The following SLC2A8 variants were observed in gnomAD, a reference collection of about 807,000 sequenced individuals.
SLC2A8 encodes solute carrier family 2 member 8.
A neutral mutation model predicts 49.2 loss-of-function variants in SLC2A8; 53 were observed. That is an observed-to-expected ratio of 1.08 (90% CI 0.86 to 1.35). SLC2A8 has a LOEUF of 1.35. Ranked by LOEUF, SLC2A8 falls within the 40% of genes most tolerant of loss-of-function variation. SLC2A8 has a pLI of 0.00. For synonymous variants in SLC2A8, 299 were observed against 297.0 expected, an observed-to-expected ratio of 1.01 and a Z score of -0.07; for missense variants, 688 against 671.7, an observed-to-expected ratio of 1.02 and a Z score of -0.27.
rs1833168851 is a variant in SLC2A8, at chr9:127,399,151, G to T, written c.427-756G>T. 2.6e-5 allele frequency among the ~76,000 whole-genome samples: 4 copies of T among 152,216 alleles called. No homozygotes were observed. The highest frequency in any genetic ancestry group is 2.6e-4 in the Admixed American group (4 of 15,286). On this transcript the variant is annotated intron_variant, in intron 3 of 9. Transcript: ENST00000373371. This position sits in a 1 kb window ranked among gnomAD's most constrained non-coding sequence, Gnocchi z 4.2. ...AGCCACTGGTAGTGACCGAGGCAGA[G>T]AGTTCGTGCTTCTAGTCCAAGGCCA...
rs62637572 is a variant in SLC2A8, at chr9:127,402,608, C to T, written c.578C>T (p.Ser193Phe). The stretch of plus-strand genomic sequence containing the variant: ...GCTGTGCTGGGCTGCGTGCCCCCCT[C>T]CCTCATGCTGCTTCTCATGTGCTTC... Reference protein sequence around the residue: ...WLAVLGCVPPSLMLLLMCFMP... With the variant: ...WLAVLGCVPPFLMLLLMCFMP... The change falls in exon 5 of 10, where the codon TCC (serine) becomes TTC (phenylalanine). Residue 193 changes from serine (S) to phenylalanine (F), a missense_variant. Transcript: ENST00000373371. The T allele has an allele frequency of 9.9e-4, 1,581 of 1,595,962 alleles. 23 individuals carry two copies. Among genetic ancestry groups the T allele is most frequent in the Middle Eastern group, 5.4e-3 (26 of 4,810 alleles).
At chr9:127,406,106 G>T in intron 9 of SLC2A8, 1 of 515,634 alleles carries the variant, frequency 1.9e-6, no homozygotes, top group Non-Finnish European at 3.9e-6. Flanking sequence ...CAGAGAGACA[G>T]TTCTGGGGTA....
chr9:127,404,477 C>T (rs1833413488), intron 7 of SLC2A8: 4 of 360,596 alleles, frequency 1.1e-5, no homozygotes, highest in East Asian at 5.3e-5. Context: ...AGGTGATCCA[C>T]GTGAGGCCTT....
rs1427750608 is a variant in SLC2A8, at chr9:127,407,165, C to T, written c.1350C>T (p.Phe450=). 6.2e-7 allele frequency: 1 copy of T among 1,613,604 alleles called. No homozygotes were observed. Among genetic ancestry groups the T allele is most frequent in the Non-Finnish European group, 8.5e-7 (1 of 1,180,026 alleles). The part of the protein sequence containing the change: ...AFWLASAFCI[F]SVLFTLFCVP... The stretch of plus-strand genomic sequence containing the variant: ...GGCTTGCCTCCGCTTTCTGCATCTT[C>T]AGTGTCCTTTTCACTTTGTTCTGTG... Residue 450 remains phenylalanine (F), a synonymous_variant, in exon 10 of 10, where the codon TTC becomes TTT. Coordinates refer to ENST00000373371, the MANE Select transcript of SLC2A8 (RefSeq NM_014580.5).
At chr9:127,397,599 A>G in intron 2 of SLC2A8, 61 bp downstream of exon 2, 1 of 1,362,742 alleles carries the variant, frequency 7.3e-7, no homozygotes, top group African/African-American at 1.5e-5. Context: ...CGGGACGGGC[A>G]TCGGGACCCT....
At chr9:127,406,999 G>A in intron 9 of SLC2A8, 113 bp from the exon 10 acceptor site, 3 of 1,213,426 alleles carry the variant, frequency 2.5e-6, no homozygotes, top group South Asian at 1.4e-5. Flanking sequence ...GCCTTGGGCA[G>A]GGCAGGCTGG....
Position 127,402,694 on chromosome 9 carries a change from C to T in SLC2A8, c.664C>T (p.Leu222=). The T allele has an allele frequency of 6.4e-7, 1 of 1,566,026 alleles. No homozygotes were observed. Among genetic ancestry groups the T allele is most frequent in the South Asian group, 1.2e-5 (1 of 85,350 alleles). ...CAGGCGCCAGGAGGCCATGGCCGCC[C>T]TGCGGTTCCTGTGGGGCTCCGAGCA... The part of the protein sequence containing the change: ...QHRRQEAMAA[L]RFLWGSEQGW... Residue 222 remains leucine (L), a synonymous_variant, in exon 5 of 10, where the codon CTG becomes TTG. Coordinates refer to ENST00000373371, the MANE Select transcript of SLC2A8 (RefSeq NM_014580.5).
At chr9:127,398,377 G>C in intron 3 of SLC2A8, 1 of 761,098 alleles carries the variant, frequency 1.3e-6, no homozygotes, top group Non-Finnish European at 2.5e-6. Context: ...TAGTCAGAGG[G>C]GAAGCAGTTG....
At chr9:127,406,139 T>C (rs146740098) in intron 9 of SLC2A8, 235 of 502,238 alleles carry the variant, frequency 4.7e-4, no homozygotes, top group African/African-American at 3.7e-3. Context: ...GTTTGTTCAG[T>C]CATTTGTGCC....
rs1564216950 is a variant in SLC2A8 at position 127,402,711 on chromosome 9, CT to C, written c.682del (p.Ser228ProfsTer36). Reference protein sequence around the residue: ...AMAALRFLWGSEQGWEDPPIG... With the variant: ...AMAALRFLWGXEQGWEDPPIG... Reference sequence around the variant, plus strand: ...TGGCCGCCCTGCGGTTCCTGTGGGGCTCCGAGCAGGGCTGGGAAGACCCCCC... The same window carrying C: ...TGGCCGCCCTGCGGTTCCTGTGGGGCCCGAGCAGGGCTGGGAAGACCCCCC... On this transcript the variant is annotated frameshift_variant, in exon 5 of 10. Coordinates refer to ENST00000373371, the MANE Select transcript of SLC2A8 (RefSeq NM_014580.5). LOFTEE classifies it high-confidence loss of function. The C allele has an allele frequency of 6.4e-7, 1 of 1,560,566 alleles. No homozygotes were observed. Among genetic ancestry groups the C allele is most frequent in the South Asian group, 1.2e-5 (1 of 84,880 alleles).
chr9:127,403,549 C>A, intron 5 of SLC2A8, 111 bp from the exon 6 acceptor site: 1 of 1,306,632 alleles, frequency 7.7e-7, no homozygotes, highest in Non-Finnish European at 1.1e-6. Flanking sequence ...GGATGAGGAG[C>A]CAAGACGTGG....
At chr9:127,402,857 G>A in intron 5 of SLC2A8, 104 bp downstream of exon 5, 3 of 1,340,800 alleles carry the variant, frequency 2.2e-6, no homozygotes, top group South Asian at 3.1e-5. Flanking sequence ...GGGACAGGGA[G>A]GTGCCTATCC....
intron 4 of SLC2A8, chr9:127,402,306 T>G: frequency 2.2e-6 from 1 of 459,376 alleles, no homozygotes; most frequent in Non-Finnish European, 3.8e-6. Flanking sequence ...TACATAAATG[T>G]TTCGTTGAAC....
rs1210378451 is a variant in SLC2A8 at position 127,398,123 on chromosome 9, G to A, written c.426+12G>A. 6.4e-7 allele frequency: 1 copy of A among 1,568,440 alleles called. No individual in the cohort carries two copies. Among genetic ancestry groups the A allele is most frequent in the Non-Finnish European group, 8.6e-7 (1 of 1,159,868 alleles). ...CCCTAGTGGCCCCGGTGAGTGTCCC[G>A]TCTCTCGAGTGTCCTGTCTCGCGGC... On this transcript the variant is annotated intron_variant, in intron 3 of 9. Coordinates refer to ENST00000373371, the MANE Select transcript of SLC2A8 (RefSeq NM_014580.5).
intron 2 of SLC2A8, 110 bp downstream of exon 2, chr9:127,397,648 C>T: frequency 7.6e-7 from 1 of 1,317,134 alleles, no homozygotes; most frequent in East Asian, 3.0e-5. Context: ...GCATCGGGCC[C>T]CGCCGCCACC....
intron 6 of SLC2A8, 36 bp from the exon 7 acceptor site, chr9:127,403,923 G>A (rs1173884442): frequency 6.2e-7 from 1 of 1,605,086 alleles, no homozygotes; most frequent in South Asian, 1.1e-5. Context: ...GCTCTCAGCT[G>A]GCCCACCTGA....
rs192215268 is a variant in SLC2A8 at position 127,403,759 on chromosome 9, G to T, written c.823G>T (p.Val275Phe). 7 of 1,613,200 alleles carry T rather than the reference G, an allele frequency of 4.3e-6. No homozygotes were observed. The African/African-American group carries it at 8.0e-5, about 18-fold the overall frequency. ...CCAGCAGCTGTCGGGGGTCAACGCC[G>T]TCATGTTCTATGCAGAGACCATCTT... ...AFQQLSGVNA[V>F]MFYAETIFEE... The change falls in exon 6 of 10, where the codon GTC (valine) becomes TTC (phenylalanine). Residue 275 changes from valine (V) to phenylalanine (F), a missense_variant. By Grantham distance (50) the Val-to-Phe change is conservative. Coordinates refer to ENST00000373371, the MANE Select transcript of SLC2A8 (RefSeq NM_014580.5).
intron 9 of SLC2A8, among the ~76,000 whole-genome samples, chr9:127,406,252 G>A (rs886092446): frequency 6.6e-6 from 1 of 152,234 alleles, no homozygotes; most frequent in African/African-American, 2.4e-5. Flanking sequence ...GACGGGAAAG[G>A]CCATGGCAGT....
chr9:127,400,973 T>C (rs187064959), intron 4 of SLC2A8, among the ~76,000 whole-genome samples: 1 of 152,320 alleles, frequency 6.6e-6, no homozygotes, highest in Non-Finnish European at 1.5e-5. Flanking sequence ...TGGGCACCTG[T>C]AATCCCAGCT....
Sources: gnomAD v4.1 joint callset for allele counts (sites outside exome capture counted in the v4.1 genomes callset) on GRCh38, gnomAD v4.1.1 for gene constraint, Gnocchi (gnomAD v3.1) non-coding constraint, MANE v1.5 for transcripts, NCBI Gene and HGNC (gene_info 2026-07-23, HGNC 2026-07-21) for gene names.